Variants in PSD3 observed in about 807,000 individuals in gnomAD.
The protein encoded by PSD3 is pleckstrin and Sec7 domain containing 3.
A neutral mutation model predicts 105.5 loss-of-function variants in PSD3; 49 were observed. The ratio of observed to expected loss-of-function variants is 0.46; its 90% confidence interval spans 0.37 to 0.59. The LOEUF is 0.59. Ranked by LOEUF, PSD3 falls within the 20% of genes least tolerant of loss-of-function variation. The pLI is 0.00. For synonymous variants in PSD3, 557 were observed against 457.8 expected, an observed-to-expected ratio of 1.22 and a Z score of -2.77; for missense variants, 1,561 against 1,263.8, an observed-to-expected ratio of 1.24 and a Z score of -3.57.
intron 9 of PSD3, among the ~76,000 whole-genome samples, chr8:18,763,731 CT>C (rs1806736653): frequency 6.6e-6 from 1 of 152,042 alleles, no homozygotes; most frequent in Non-Finnish European, 1.5e-5. Flanking sequence ...CCTTTTCTTA[CT>C]GAAATTTTCA....
At chr8:18,773,913 C>G (rs1030560024) in intron 8 of PSD3, among the ~76,000 whole-genome samples, 2 of 152,092 alleles carry the variant, frequency 1.3e-5, no homozygotes, top group Non-Finnish European at 2.9e-5. Context: ...TTTACAGTTC[C>G]TTTCTTCAGT....
intron 10 of PSD3, among the ~76,000 whole-genome samples, chr8:18,654,648 A>C (rs1808754828): frequency 6.6e-6 from 1 of 152,214 alleles, no homozygotes. Context: ...ATGTACCCTG[A>C]AACACTATAT....
At chr8:18,543,746 C>A (rs1276403047) in intron 15 of PSD3, among the ~76,000 whole-genome samples, 4 of 152,064 alleles carry the variant, frequency 2.6e-5, no homozygotes. Flanking sequence ...ATGTAAACTG[C>A]TACTTGGGTT....
rs183192941 is a variant in PSD3 at position 18,666,929 on chromosome 8, G to C, written c.2173-11244C>G. ...GTCTCACTGACTTCCCTCGCGGTCA[G>C]TGTTACAGTTCTTAAAGGAGACGTG... On this transcript the variant is annotated intron_variant, in intron 9 of 15. Coordinates refer to ENST00000327040, the MANE Select transcript of PSD3 (RefSeq NM_015310.4). Among the ~76,000 whole-genome samples, 207 of 152,290 alleles carry C rather than the reference G, an allele frequency of 1.4e-3. 1 individual carries two copies. Among genetic ancestry groups the C allele is most frequent in the African/African-American group, 4.8e-3 (201 of 41,552 alleles).
chr8:18,832,909 G>A (rs954268865), intron 4 of PSD3, among the ~76,000 whole-genome samples: 1 of 152,036 alleles, frequency 6.6e-6, no homozygotes, highest in South Asian at 2.1e-4. Context: ...TGACACACGG[G>A]GATTATGGGA....
chr8:18,752,575 AAT>A (rs1563225581), intron 9 of PSD3, among the ~76,000 whole-genome samples: 10 of 31,710 alleles, frequency 3.2e-4, no homozygotes, highest in African/African-American at 1.1e-3. Context: ...TTATATATAT[AAT>A]TATATATATT....
chr8:18,573,864 G>T (rs1802313627), intron 13 of PSD3, among the ~76,000 whole-genome samples: 2 of 152,134 alleles, frequency 1.3e-5, no homozygotes, highest in Admixed American at 1.3e-4. Flanking sequence ...CTAGATTGTG[G>T]TGATGGCTGA....
chr8:18,661,084 A>G (rs190190972), intron 9 of PSD3, among the ~76,000 whole-genome samples: 1 of 152,302 alleles, frequency 6.6e-6, no homozygotes, highest in East Asian at 1.9e-4. Context: ...TGCATTGTGT[A>G]ACCGTGAGTC....
chr8:18,996,088 C>CCT, intron 1 of PSD3, among the ~76,000 whole-genome samples: 1 of 151,262 alleles, frequency 6.6e-6, no homozygotes, highest in African/African-American at 2.5e-5. Context: ...GTCATCCACA[C>CCT]AAGATCCAAG....
At chr8:18,884,629 A>T (rs544062989) in intron 2 of PSD3, among the ~76,000 whole-genome samples, 2,336 of 100,114 alleles carry the variant, frequency 0.023, 60 homozygotes, top group African/African-American at 0.12. Flanking sequence ...GGAAAAAAAT[A>T]AAAAAAAACA....
intron 9 of PSD3, among the ~76,000 whole-genome samples, chr8:18,714,240 T>C (rs566525305): frequency 1.3e-5 from 2 of 151,958 alleles, no homozygotes; most frequent in African/African-American, 4.8e-5. Context: ...ATGATGAAAA[T>C]GTCAAAAGCA....
chr8:18,672,303 A>C (rs1799829868), intron 9 of PSD3, among the ~76,000 whole-genome samples: 3 of 152,196 alleles, frequency 2.0e-5, no homozygotes, highest in South Asian at 4.1e-4. Flanking sequence ...AAAAAAAAAA[A>C]CTTGCTGGGT....
intron 1 of PSD3, among the ~76,000 whole-genome samples, chr8:19,081,730 T>C (rs974697204): frequency 6.6e-6 from 1 of 152,204 alleles, no homozygotes; most frequent in Non-Finnish European, 1.5e-5. Context: ...CAAGATTTTT[T>C]ACTATGGAGC....
intron 9 of PSD3, among the ~76,000 whole-genome samples, chr8:18,671,758 A>G (rs1799796339): frequency 6.6e-6 from 1 of 151,832 alleles, no homozygotes; most frequent in Non-Finnish European, 1.5e-5. Flanking sequence ...CAGCCTCCCG[A>G]ATAGCTGGGA....
chr8:18,952,368 G>A (rs865785299), intron 1 of PSD3, among the ~76,000 whole-genome samples: 17 of 145,138 alleles, frequency 1.2e-4, no homozygotes, highest in Admixed American at 9.3e-4. Context: ...AAACGGACTT[G>A]TTTCTGGGGA....
upstream of PSD3, among the ~76,000 whole-genome samples, chr8:19,018,359 T>TAA (rs33971629): frequency 0.044 from 6,524 of 149,766 alleles, 423 homozygotes; most frequent in African/African-American, 0.14. Context: ...ATGCTCTTTT[T>TAA]AAAAAAAAAA....
intron 2 of PSD3, among the ~76,000 whole-genome samples, chr8:18,907,606 T>A (rs1447108540): frequency 1.3e-5 from 2 of 152,258 alleles, no homozygotes; most frequent in African/African-American, 4.8e-5. Context: ...GATTAGAGCC[T>A]AGGAGCAATA....
chr8:19,002,467 A>G (rs1228998288), intron 1 of PSD3, among the ~76,000 whole-genome samples: 2 of 152,048 alleles, frequency 1.3e-5, no homozygotes, highest in Admixed American at 6.6e-5. Context: ...TAGTTCTAGT[A>G]TCTACTGAAG....
chr8:19,082,215 C>T (rs1829666652), intron 1 of PSD3, among the ~76,000 whole-genome samples: 1 of 152,160 alleles, frequency 6.6e-6, no homozygotes, highest in Admixed American at 6.5e-5. Flanking sequence ...AGCCGTACGG[C>T]ACCTACAGGA....
Sources: gnomAD v4.1 joint callset for allele counts (sites outside exome capture counted in the v4.1 genomes callset) on GRCh38, gnomAD v4.1.1 for gene constraint, MANE v1.5 for transcripts, NCBI Gene and HGNC (gene_info 2026-07-23, HGNC 2026-07-21) for gene names.